EFCAB6: variants seen among roughly 807,000 people sequenced by gnomAD.
The protein encoded by EFCAB6 is EF-hand calcium-binding domain-containing protein 6.
Under a neutral mutation model 169.8 loss-of-function variants are expected in EFCAB6, and 156 were observed. The ratio of observed to expected loss-of-function variants is 0.92; its 90% CI spans 0.81 to 1.05. The LOEUF is 1.05. Ranked by LOEUF, EFCAB6 falls within the 50% of genes least tolerant of loss-of-function variation. The pLI is 0.00. For synonymous variants in EFCAB6, 698 were observed against 676.4 expected, an observed-to-expected ratio of 1.03 and a Z score of -0.50; for missense variants, 1,800 against 1,829.1, an observed-to-expected ratio of 0.98 and a Z score of 0.29.
rs556168114 is a variant in EFCAB6, at chr22:43,661,183, G to A, written c.1983+5921C>T. Among the ~76,000 whole-genome samples the A allele has an allele frequency of 3.9e-5, 6 of 152,104 alleles. No homozygotes were observed. In the East Asian group the frequency reaches 9.7e-4, roughly 25 times the overall value. ...TGAGCCCAGGAGTTCAAGAGTGGCCGGGGCAACATAGTGAGACCTCATCTC... is the reference window on the plus strand; with the variant it reads ...TGAGCCCAGGAGTTCAAGAGTGGCCAGGGCAACATAGTGAGACCTCATCTC... On this transcript the variant is annotated intron_variant, in intron 17 of 31. Transcript: ENST00000262726.
Position 43,795,695 on chromosome 22 carries a change from TA to T in EFCAB6, c.-8+13299del, listed in dbSNP as rs971535494. 1.3e-5 allele frequency among the ~76,000 whole-genome samples: 2 copies of T among 152,036 alleles called. No individual in the cohort carries two copies. The highest frequency in any genetic ancestry group is 4.8e-5 in the African/African-American group (2 of 41,374). ...GAACTCCATTATAAGCTCCATGAAA[TA>T]AAAGGGTGTGTTTACACCACTCTAC... On this transcript the variant is annotated intron_variant, in intron 2 of 31. Coordinates refer to ENST00000262726, the MANE Select transcript of EFCAB6 (RefSeq NM_022785.4). This position sits in a 1 kb window ranked among gnomAD's most constrained non-coding sequence, Gnocchi z 4.2.
chr22:43,583,364 C>T (rs1224141518), intron 24 of EFCAB6, among the ~76,000 whole-genome samples: 1 of 151,488 alleles, frequency 6.6e-6, no homozygotes, highest in Non-Finnish European at 1.5e-5. Context: ...TAATAATCTT[C>T]CTCTCCCTGT....
chr22:43,774,783 C>A (rs1457338549), intron 3 of EFCAB6, among the ~76,000 whole-genome samples: 2 of 148,750 alleles, frequency 1.3e-5, no homozygotes, highest in Admixed American at 1.3e-4. Flanking sequence ...CCAGCCTGGG[C>A]AAAAGGGGGA....
intron 12 of EFCAB6, among the ~76,000 whole-genome samples, chr22:43,680,187 T>C (rs1206980683): frequency 6.6e-6 from 1 of 152,208 alleles, no homozygotes; most frequent in African/African-American, 2.4e-5. Context: ...GATATCCAAT[T>C]GTCCTCTTAA....
At position 43,772,950 on chromosome 22, in the gene EFCAB6, ATTC is replaced by A. The variant is rs1569481720; in HGVS notation, c.290_292del (p.Arg97del). On this transcript the variant is annotated inframe_deletion, in exon 4 of 32. Transcript: ENST00000262726. ...GAGCGGCATCAGGAAGTCTGTGATG[ATTC>A]TTCTCAGTTCACTTTTTGACACAGT... is the stretch of plus-strand genomic sequence containing the variant. The A allele has an allele frequency of 6.2e-7, 1 of 1,614,212 alleles. No individual in the cohort carries two copies. The highest frequency in any genetic ancestry group is 1.7e-5 in the Admixed American group (1 of 60,018).
chr22:43,743,817 T>C (rs947240445), intron 6 of EFCAB6, among the ~76,000 whole-genome samples: 2 of 152,144 alleles, frequency 1.3e-5, no homozygotes, highest in Admixed American at 6.5e-5. Context: ...TGAATAGGCA[T>C]GAGTCCAGAG....
At chr22:43,580,439 G>A in intron 25 of EFCAB6, 25 bp downstream of exon 25, 1 of 1,611,086 alleles carries the variant, frequency 6.2e-7, no homozygotes, top group Non-Finnish European at 8.5e-7. Flanking sequence ...AGTTTTCACA[G>A]TAAAGCACTT....
intron 9 of EFCAB6, among the ~76,000 whole-genome samples, chr22:43,712,957 T>C (rs994866721): frequency 1.3e-5 from 2 of 152,140 alleles, no homozygotes; most frequent in Admixed American, 1.3e-4. Context: ...ATGCAAGCAA[T>C]TCAGCAAAGT....
At chr22:43,673,483 A>G (rs2057583244) in intron 13 of EFCAB6, among the ~76,000 whole-genome samples, 1 of 152,234 alleles carries the variant, frequency 6.6e-6, no homozygotes, top group Admixed American at 6.5e-5. Flanking sequence ...ATATTTTAAA[A>G]TTAGATAGCA....
chr22:43,550,396 G>A (rs559770777), intron 27 of EFCAB6, among the ~76,000 whole-genome samples: 1 of 152,306 alleles, frequency 6.6e-6, no homozygotes, highest in South Asian at 2.1e-4. Context: ...AGAAGGCCGG[G>A]CGCGGTGGCT....
chr22:43,743,734 C>T (rs1199580079), intron 6 of EFCAB6, among the ~76,000 whole-genome samples: 2 of 152,214 alleles, frequency 1.3e-5, no homozygotes, highest in East Asian at 1.9e-4. Context: ...CCCAGTCCCT[C>T]CTTCACCCCT....
chr22:43,738,935 G>T (rs977047260), intron 6 of EFCAB6, among the ~76,000 whole-genome samples: 2 of 152,134 alleles, frequency 1.3e-5, no homozygotes, highest in Non-Finnish European at 2.9e-5. Flanking sequence ...ATGGCCAGGT[G>T]GGGCCACGTG....
intron 10 of EFCAB6, among the ~76,000 whole-genome samples, chr22:43,699,830 A>AT (rs1461941294): frequency 6.6e-6 from 1 of 152,092 alleles, no homozygotes; most frequent in Non-Finnish European, 1.5e-5. Flanking sequence ...TAAATGGCTT[A>AT]TTTTTTCTGT....
intron 2 of EFCAB6, among the ~76,000 whole-genome samples, chr22:43,798,038 G>T (rs1467043325): frequency 6.6e-5 from 10 of 152,168 alleles, no homozygotes; most frequent in Non-Finnish European, 1.5e-4. Flanking sequence ...GAAACAGATT[G>T]CTGGGCCCAC....
Position 43,784,642 on chromosome 22 carries a change from C to CACATAT in EFCAB6, c.-7-2323_-7-2318dup, listed in dbSNP as rs1556410539. On this transcript the variant is annotated intron_variant, in intron 2 of 31. Transcript: ENST00000262726. ...ATATACACATATATATGTATATGTA[C>CACATAT]ACATATATATGTGTATATATACATA... Among the ~76,000 whole-genome samples the CACATAT allele has an allele frequency of 1.2e-4, 7 of 60,000 alleles. 1 individual carries two copies. The highest frequency in any genetic ancestry group is 3.8e-4 in the African/African-American group (7 of 18,366). 39.4% of individuals were successfully genotyped at this position (60,000 alleles called of 152,430 possible).
intron 17 of EFCAB6, among the ~76,000 whole-genome samples, chr22:43,641,702 A>G (rs137740): frequency 0.55 from 83,729 of 151,584 alleles, 23,424 homozygotes; most frequent in East Asian, 0.77. Context: ...AAAGGGAGAC[A>G]GGACAGGGAC....
chr22:43,637,600 G>A (rs137734), intron 17 of EFCAB6, among the ~76,000 whole-genome samples: 13,990 of 152,276 alleles, frequency 0.092, 820 homozygotes, highest in Non-Finnish European at 0.12. Context: ...AAGTGTTGCA[G>A]TGCTGCCCAA....
intron 9 of EFCAB6, among the ~76,000 whole-genome samples, chr22:43,714,800 T>C (rs2059276434): frequency 6.6e-6 from 1 of 152,142 alleles, no homozygotes. Flanking sequence ...CCTAAGGAAA[T>C]TACTTGACAA....
At chr22:43,630,313 C>T (rs1448543791) in intron 19 of EFCAB6, among the ~76,000 whole-genome samples, 2 of 152,214 alleles carry the variant, frequency 1.3e-5, no homozygotes, top group African/African-American at 2.4e-5. Flanking sequence ...CTCTGTTTCA[C>T]CCACTAGTTG....
Sources: allele counts gnomAD v4.1 joint callset (sites outside exome capture counted in the v4.1 genomes callset), GRCh38; gene constraint gnomAD v4.1.1; non-coding constraint Gnocchi (gnomAD v3.1); transcripts MANE v1.5; gene names NCBI Gene and HGNC (gene_info 2026-07-23, HGNC 2026-07-21).